The following NFAT5 variants were observed in gnomAD, a reference collection of about 807,000 sequenced individuals.
NFAT5 encodes the protein nuclear factor of activated T cells 5.
A neutral mutation model predicts 166.5 loss-of-function variants in NFAT5; 31 were observed. The ratio of observed to expected loss-of-function variants is 0.19; its 90% CI spans 0.14 to 0.25. The LOEUF (loss-of-function observed/expected upper bound fraction) is 0.25. NFAT5 is among the 10% of genes least tolerant of loss of function. The pLI is 1.00. For synonymous variants in NFAT5, 612 were observed against 639.7 expected (o/e 0.96, Z 0.65); for missense variants, 1,449 against 1,821.8 (o/e 0.80, Z 3.72).
At chr16:69,596,447 C>T (rs2032794186) in intron 2 of NFAT5, among the ~76,000 whole-genome samples, 1 of 152,110 alleles carries the variant, frequency 6.6e-6, no homozygotes, top group Admixed American at 6.6e-5. Flanking sequence ...AGGCCGGGTG[C>T]AGTGGCTCAC....
chr16:69,622,739 AT>A (rs1397003828), intron 2 of NFAT5, among the ~76,000 whole-genome samples: 4 of 151,678 alleles, frequency 2.6e-5, no homozygotes, highest in South Asian at 4.2e-4. Context: ...ACTAGGATAA[AT>A]TTTTTTCCAT....
chr16:69,581,049 GT>G (rs2031653709), intron 2 of NFAT5, among the ~76,000 whole-genome samples: 1 of 152,028 alleles, frequency 6.6e-6, no homozygotes, highest in African/African-American at 2.4e-5. Context: ...TTGTTTGTTT[GT>G]TTTGTTTTTG....
chr16:69,597,123 G>A (rs2151534611), intron 2 of NFAT5, among the ~76,000 whole-genome samples: 1 of 152,206 alleles, frequency 6.6e-6, no homozygotes, highest in South Asian at 2.1e-4. Context: ...AGTTTTGGAG[G>A]TAAATGAGAG....
chr16:69,570,231 A>G (rs868828174), intron 2 of NFAT5, among the ~76,000 whole-genome samples: 11 of 152,186 alleles, frequency 7.2e-5, no homozygotes, highest in African/African-American at 2.4e-4. Context: ...TATATAAAAT[A>G]TAACATGTAT....
intron 12 of NFAT5, among the ~76,000 whole-genome samples, 164 bp downstream of exon 12, chr16:69,691,252 A>G (rs535266977): frequency 1.3e-3 from 191 of 152,320 alleles, no homozygotes; most frequent in South Asian, 3.5e-3. Context: ...GTGACTTCCA[A>G]TATACAAGGG....
In NFAT5 at chr16:69,630,865, A is replaced by G. The variant is rs531696426; in HGVS notation, c.253+4337A>G. ...TTTAAAATAACAGCTTTATTGAGACATAATTCACCTGCTGTATAATCAAAT... is the reference window on the plus strand; with the variant it reads ...TTTAAAATAACAGCTTTATTGAGACGTAATTCACCTGCTGTATAATCAAAT... On this transcript the variant is annotated intron_variant, in intron 3 of 14. Transcript: ENST00000349945. Among the ~76,000 whole-genome samples the G allele has an allele frequency of 5.3e-5, 8 of 152,346 alleles. No individual in the cohort carries two copies. In the South Asian group the frequency reaches 1.7e-3, roughly 32 times the overall value.
rs142372124 is a variant in NFAT5 at position 69,647,787 on chromosome 16, C to T, written c.812+201C>T. ...AAAATAAAATAATCATAGATTCTAG[C>T]AATAGATATCTTATTATCAGTATAG... On this transcript the variant is annotated intron_variant, in intron 4 of 14. Coordinates refer to ENST00000349945, the MANE Select transcript of NFAT5 (RefSeq NM_138713.4). The surrounding 1 kb of genome is among the most constrained non-coding windows in gnomAD (Gnocchi z 4.8). 2.0e-5 allele frequency among the ~76,000 whole-genome samples: 3 copies of T among 151,870 alleles called. No homozygotes were observed. The highest frequency in any genetic ancestry group is 2.9e-5 in the Non-Finnish European group (2 of 67,932).
At chr16:69,634,151 G>T in intron 3 of NFAT5, among the ~76,000 whole-genome samples, 1 of 151,628 alleles carries the variant, frequency 6.6e-6, no homozygotes, top group Middle Eastern at 3.4e-3. Context: ...GGCGGCGGGT[G>T]CCTGTAATCC....
chr16:69,602,003 A>G (rs2151542409), intron 2 of NFAT5, among the ~76,000 whole-genome samples: 1 of 152,294 alleles, frequency 6.6e-6, no homozygotes, highest in Non-Finnish European at 1.5e-5. Flanking sequence ...GGTTAAGTGC[A>G]TAGGCTTTGA....
chr16:69,680,712 A>T (rs562255082), intron 10 of NFAT5, among the ~76,000 whole-genome samples: 1 of 152,188 alleles, frequency 6.6e-6, no homozygotes, highest in South Asian at 2.1e-4. Flanking sequence ...TCTATGATAC[A>T]GCTAATTAGT....
intron 2 of NFAT5, among the ~76,000 whole-genome samples, chr16:69,620,964 A>G (rs1220448434): frequency 6.6e-6 from 1 of 152,214 alleles, no homozygotes; most frequent in African/African-American, 2.4e-5. Context: ...ACTGTTGTTT[A>G]GAAGTCATCT....
chr16:69,670,502 T>C lies in NFAT5; in HGVS notation c.1557+214T>C, dbSNP rs181797615. On this transcript the variant is annotated intron_variant, in intron 9 of 14. Transcript: ENST00000349945. ...CTCTATTTTAAAAAGTTAGGATCAT[T>C]AACAAATGTTTCCATTGTTAATAAA... 3.3e-5 allele frequency among the ~76,000 whole-genome samples: 5 copies of C among 152,360 alleles called. No individual in the cohort carries two copies. The East Asian group carries it at 9.6e-4, about 29-fold the overall frequency.
intron 2 of NFAT5, among the ~76,000 whole-genome samples, chr16:69,582,162 G>A (rs376042835): frequency 6.6e-6 from 1 of 152,170 alleles, no homozygotes; most frequent in African/African-American, 2.4e-5. Context: ...CTGCTCAGGA[G>A]GCTGAGGCAG....
At chr16:69,597,866 T>C (rs1045385653) in intron 2 of NFAT5, among the ~76,000 whole-genome samples, 2 of 152,156 alleles carry the variant, frequency 1.3e-5, no homozygotes, top group Admixed American at 6.5e-5. Context: ...GTGCTGGGAT[T>C]ACAGGCGTGA....
chr16:69,594,104 A>G (rs552965208), intron 2 of NFAT5, among the ~76,000 whole-genome samples: 2 of 152,180 alleles, frequency 1.3e-5, no homozygotes, highest in Non-Finnish European at 2.9e-5. Context: ...ACCAAACACT[A>G]TATATACAGT....
At chr16:69,694,596 A>G (rs1405991295) in intron 13 of NFAT5, among the ~76,000 whole-genome samples, 1 of 152,244 alleles carries the variant, frequency 6.6e-6, no homozygotes, top group Non-Finnish European at 1.5e-5. Context: ...TTAGAACTCT[A>G]TCACCTATAG....
intron 9 of NFAT5, among the ~76,000 whole-genome samples, chr16:69,671,902 T>G (rs1174200927): frequency 6.6e-6 from 1 of 152,218 alleles, no homozygotes; most frequent in African/African-American, 2.4e-5. Flanking sequence ...GATTATATAC[T>G]GCCCATGCAG....
chr16:69,641,110 T>C (rs1213343309), intron 3 of NFAT5, among the ~76,000 whole-genome samples: 1 of 151,238 alleles, frequency 6.6e-6, no homozygotes, highest in Non-Finnish European at 1.5e-5. Flanking sequence ...AAACCCCGTC[T>C]CTACTAAAAA....
At chr16:69,674,895 C>G (rs1396659032) in intron 9 of NFAT5, among the ~76,000 whole-genome samples, 1 of 152,196 alleles carries the variant, frequency 6.6e-6, no homozygotes, top group African/African-American at 2.4e-5. Context: ...TTGTTTTCCT[C>G]TTTTTATCCC....
Sources: allele counts gnomAD v4.1 joint callset (sites outside exome capture counted in the v4.1 genomes callset), GRCh38; gene constraint gnomAD v4.1.1; non-coding constraint Gnocchi (gnomAD v3.1); transcripts MANE v1.5; gene names NCBI Gene and HGNC (gene_info 2026-07-23, HGNC 2026-07-21).